Variants in PCDH11X observed in about 807,000 individuals in gnomAD.
PCDH11X encodes protocadherin 11 X-linked.
A neutral mutation model predicts 53.3 loss-of-function variants in PCDH11X; 18 were observed. The observed-to-expected ratio is 0.34, with a 90% CI of 0.23 to 0.50. PCDH11X has a LOEUF of 0.50. PCDH11X is among the 20% of genes least tolerant of loss of function. PCDH11X has a pLI of 0.98. For missense variants in PCDH11X, 570 were observed against 1,032.4 expected (o/e 0.55, Z 6.14); for synonymous variants, 279 against 393.3 (o/e 0.71, Z 3.44).
intron 6 of PCDH11X, among the ~76,000 whole-genome samples, chrX:92,167,359 T>A (rs2065753368): frequency 8.9e-6 from 1 of 111,826 alleles, no homozygotes; most frequent in Admixed American, 9.6e-5. Context: ...CAAAAATATT[T>A]ACTCTTGTTT....
At chrX:91,973,259 A>C (rs1462963092) in intron 6 of PCDH11X, among the ~76,000 whole-genome samples, 177 of 78,066 alleles carry the variant, frequency 2.3e-3, no homozygotes, top group Admixed American at 3.4e-3. Context: ...GGACACAGGA[A>C]GGGGAATATC....
At chrX:92,430,877 T>G (rs2072237094) in intron 9 of PCDH11X, among the ~76,000 whole-genome samples, 1 of 107,007 alleles carries the variant, frequency 9.3e-6, no homozygotes, top group African/African-American at 3.4e-5. Flanking sequence ...TGTTTTATAG[T>G]TTTATTGAGA....
intron 8 of PCDH11X, among the ~76,000 whole-genome samples, chrX:92,305,326 GT>G (rs1041332491): frequency 2.8e-5 from 3 of 108,795 alleles, no homozygotes; most frequent in African/African-American, 1.0e-4. Flanking sequence ...GTTTCAGAAA[GT>G]GCAAGACAAG....
intron 8 of PCDH11X, among the ~76,000 whole-genome samples, chrX:92,265,086 G>A (rs1460251034): frequency 9.2e-6 from 1 of 109,184 alleles, no homozygotes; most frequent in Non-Finnish European, 1.9e-5. Flanking sequence ...GGAGGTAGGG[G>A]ATGGGGTCTC....
intron 10 of PCDH11X, among the ~76,000 whole-genome samples, chrX:92,542,635 A>G (rs191953140): frequency 8.9e-6 from 1 of 111,825 alleles, no homozygotes; most frequent in Admixed American, 9.5e-5. Flanking sequence ...CAACTAATAT[A>G]TAAGATATAT....
intron 6 of PCDH11X, among the ~76,000 whole-genome samples, chrX:92,091,608 T>C (rs2064049551): frequency 1.8e-5 from 2 of 111,221 alleles, no homozygotes; most frequent in Admixed American, 9.6e-5. Context: ...ATTTAAGAAA[T>C]ACATTGGCTT....
At chrX:92,390,755 C>A (rs1392269391) in intron 9 of PCDH11X, among the ~76,000 whole-genome samples, 1 of 97,445 alleles carries the variant, frequency 1.0e-5, no homozygotes, top group African/African-American at 3.8e-5. Flanking sequence ...TTCTGCAAAT[C>A]CTTTGTAAAT....
intron 6 of PCDH11X, among the ~76,000 whole-genome samples, chrX:92,194,596 GA>G (rs779729723): frequency 1.8e-3 from 195 of 110,984 alleles, no homozygotes; most frequent in African/African-American, 5.8e-3. Flanking sequence ...TAAAAAGTGG[GA>G]AAATGTCTTC....
At chrX:92,195,909 ATTCTGCTAAATGTGTGCCAG>A (rs1426586899) in intron 6 of PCDH11X, among the ~76,000 whole-genome samples, 1 of 111,998 alleles carries the variant, frequency 8.9e-6, no homozygotes, top group Admixed American at 9.5e-5. Flanking sequence ...TGTCCCTTTA[ATTCTGCTAAATGTGTGCCAG>A]TTTCCCCATG....
chrX:92,556,648 C>T (rs2075050416), intron 10 of PCDH11X, among the ~76,000 whole-genome samples: 1 of 111,915 alleles, frequency 8.9e-6, no homozygotes, highest in African/African-American at 3.3e-5. Flanking sequence ...GCTGCTTTCA[C>T]AGGCTGGAAT....
intron 6 of PCDH11X, among the ~76,000 whole-genome samples, chrX:92,134,577 A>G (rs1466120255): frequency 9.0e-6 from 1 of 111,254 alleles, no homozygotes; most frequent in African/African-American, 3.3e-5. Flanking sequence ...ATCTTGTGCA[A>G]GAAAAAATTT....
rs754625885 is a variant in PCDH11X at position 92,256,320 on chromosome X, C to G, written c.3115-6794C>G. On this transcript the variant is annotated intron_variant, in intron 7 of 10. Coordinates refer to ENST00000682573, the MANE Select transcript of PCDH11X (RefSeq NM_032968.5). ...TTCAGCTCGCGCACGGTGTGCACAC[C>G]CACTGACCTGCACCCACTGTCTGGC... 5.4e-5 allele frequency among the ~76,000 whole-genome samples: 6 copies of G among 111,315 alleles called. No individual in the cohort carries two copies. In the South Asian group the frequency reaches 2.3e-3, roughly 43 times the overall value.
chrX:92,231,781 C>T (rs1408105667), intron 7 of PCDH11X, among the ~76,000 whole-genome samples: 1 of 111,912 alleles, frequency 8.9e-6, no homozygotes, highest in East Asian at 2.8e-4. Flanking sequence ...AAGGCATATG[C>T]CAATTTTAAG....
At chrX:91,822,182 G>A (rs941297772) in intron 4 of PCDH11X, among the ~76,000 whole-genome samples, 5 of 110,064 alleles carry the variant, frequency 4.5e-5, no homozygotes, top group Non-Finnish European at 9.4e-5. Context: ...AATGATGCTG[G>A]CCTCATAAAA....
intron 9 of PCDH11X, among the ~76,000 whole-genome samples, chrX:92,412,755 TTTTC>T (rs1394776186): frequency 9.3e-6 from 1 of 107,607 alleles, no homozygotes; most frequent in African/African-American, 3.4e-5. Context: ...TATTATCAAT[TTTTC>T]TTATGTTTCA....
At chrX:92,370,427 A>G (rs2070588457) in intron 8 of PCDH11X, among the ~76,000 whole-genome samples, 1 of 104,089 alleles carries the variant, frequency 9.6e-6, no homozygotes, top group Non-Finnish European at 2.0e-5. Context: ...CAATTGGTCT[A>G]TAGTGTTGTT....
chrX:92,232,744 T>C (rs1278560925), intron 7 of PCDH11X, among the ~76,000 whole-genome samples: 1 of 111,770 alleles, frequency 8.9e-6, no homozygotes, highest in Non-Finnish European at 1.9e-5. Context: ...TGAGACGGAG[T>C]CTCGTTTTGT....
intron 10 of PCDH11X, among the ~76,000 whole-genome samples, chrX:92,485,215 T>G (rs868296150): frequency 9.0e-6 from 1 of 110,774 alleles, no homozygotes; most frequent in Middle Eastern, 5.7e-3. Flanking sequence ...AAATTCAAGT[T>G]TTTAAGTATA....
intron 10 of PCDH11X, among the ~76,000 whole-genome samples, chrX:92,534,097 A>G: frequency 9.6e-6 from 1 of 104,325 alleles, no homozygotes; most frequent in East Asian, 3.2e-4. Context: ...AGTAATAACA[A>G]ACTTCTCTGA....
Sources: gnomAD v4.1 joint callset for allele counts (sites outside exome capture counted in the v4.1 genomes callset) on GRCh38, gnomAD v4.1.1 for gene constraint, MANE v1.5 for transcripts, NCBI Gene and HGNC (gene_info 2026-07-23, HGNC 2026-07-21) for gene names.